MGAT4C: variants seen among roughly 807,000 people sequenced by gnomAD.
MGAT4C encodes alpha-1,3-mannosyl-glycoprotein 4-beta-N-acetylglucosaminyltransferase C.
A neutral mutation model predicts 40.1 loss-of-function variants in MGAT4C; 19 were observed. That is an observed-to-expected ratio of 0.47 (90% CI 0.33 to 0.70). The LOEUF (loss-of-function observed/expected upper bound fraction) is 0.70, where lower values mean the gene tolerates loss of function less well. Among genes scored for constraint, MGAT4C ranks in the 30% least tolerant of loss-of-function variants. The pLI, the probability that MGAT4C is intolerant of heterozygous loss-of-function variation, is 0.02. For synonymous variants in MGAT4C, 181 were observed against 187.1 expected (o/e 0.97, Z 0.27); for missense variants, 491 against 563.2 (o/e 0.87, Z 1.30).
At chr12:86,569,801 T>G (rs969480014) in intron 2 of MGAT4C, among the ~76,000 whole-genome samples, 42 of 152,050 alleles carry the variant, frequency 2.8e-4, no homozygotes, top group African/African-American at 9.9e-4. Flanking sequence ...TGACTGGCAA[T>G]CGATGAAGGG....
rs1883773254 is a variant in MGAT4C at position 85,974,006 on chromosome 12, A to G, written c.*5283T>C. On this transcript the variant is annotated 3_prime_UTR_variant, in exon 5 of 5. Coordinates refer to ENST00000611864, the MANE Select transcript of MGAT4C (RefSeq NM_001351288.2). Reference sequence around the variant, plus strand: ...ACAGATTAATGAGGTGGAAGGGACTAGAACTTTGGGAAAGTGCAACCTTGT... The same window carrying G: ...ACAGATTAATGAGGTGGAAGGGACTGGAACTTTGGGAAAGTGCAACCTTGT... The G allele has an allele frequency of 6.6e-6, 1 of 150,962 alleles. No individual in the cohort carries two copies. The highest frequency in any genetic ancestry group is 2.4e-5 in the African/African-American group (1 of 41,358). 9.4% of individuals were successfully genotyped at this position (150,962 alleles called of 1,614,324 possible).
chr12:86,069,848 A>T (rs565308134), intron 1 of MGAT4C, among the ~76,000 whole-genome samples: 1 of 152,074 alleles, frequency 6.6e-6, no homozygotes, highest in East Asian at 1.9e-4. Context: ...CCCCCAATAT[A>T]TTCTAAATAG....
chr12:86,009,374 C>G (rs906482709), intron 2 of MGAT4C, among the ~76,000 whole-genome samples: 3 of 152,166 alleles, frequency 2.0e-5, no homozygotes, highest in Admixed American at 6.5e-5. Context: ...AAAATAATCC[C>G]TTTCTCTCTC....
At chr12:86,498,139 C>G (rs903586566) in intron 2 of MGAT4C, among the ~76,000 whole-genome samples, 2 of 150,478 alleles carry the variant, frequency 1.3e-5, no homozygotes, top group Admixed American at 6.7e-5. Context: ...GCAATATCAC[C>G]AATACTTTCT....
intron 2 of MGAT4C, among the ~76,000 whole-genome samples, chr12:86,661,019 G>A (rs1319764039): frequency 1.3e-5 from 2 of 152,034 alleles, no homozygotes; most frequent in Non-Finnish European, 2.9e-5. Context: ...AAGTTTCTTG[G>A]GTAAACATTC....
chr12:86,481,424 C>T (rs1227446484), intron 2 of MGAT4C, among the ~76,000 whole-genome samples: 2 of 152,020 alleles, frequency 1.3e-5, no homozygotes, highest in Non-Finnish European at 2.9e-5. Context: ...AGTCTAACAA[C>T]ACAGATTAAG....
In MGAT4C at chr12:86,742,524, C is replaced by T. The variant is rs574051499; in HGVS notation, c.-261-15283G>A. Among the ~76,000 whole-genome samples, 35 of 151,506 alleles carry T rather than the reference C, an allele frequency of 2.3e-4. 1 individual carries two copies. The highest frequency in any genetic ancestry group is 6.2e-4 in the South Asian group (3 of 4,818). ...CATGAGTATGACATGCCTCAGTTTG[C>T]CATTTTTGCTGTAGTCAGATTCCCA... On this transcript the variant is annotated intron_variant, in intron 1 of 7. Transcript: ENST00000548651.
intron 1 of MGAT4C, among the ~76,000 whole-genome samples, chr12:86,053,329 G>T (rs1269784338): frequency 6.6e-6 from 1 of 151,778 alleles, no homozygotes; most frequent in East Asian, 1.9e-4. Context: ...AAGGCAGGAT[G>T]TTCTGTCCCT....
intron 1 of MGAT4C, among the ~76,000 whole-genome samples, chr12:86,818,976 C>A (rs775064491): frequency 5.3e-5 from 8 of 150,934 alleles, no homozygotes; most frequent in Non-Finnish European, 1.0e-4. Flanking sequence ...AGGGTGACAA[C>A]TTAAAAATCT....
At chr12:86,483,181 C>T (rs562434332) in intron 2 of MGAT4C, among the ~76,000 whole-genome samples, 7 of 152,114 alleles carry the variant, frequency 4.6e-5, no homozygotes, top group Non-Finnish European at 1.0e-4. Context: ...TATGAAAACA[C>T]CAGTCCTGTT....
intron 2 of MGAT4C, among the ~76,000 whole-genome samples, chr12:86,669,171 G>T (rs1236411753): frequency 6.6e-6 from 1 of 152,028 alleles, no homozygotes; most frequent in Non-Finnish European, 1.5e-5. Context: ...TCAACCACTT[G>T]AGTTGCCCCA....
intron 4 of MGAT4C, among the ~76,000 whole-genome samples, chr12:86,333,126 T>C (rs1954709221): frequency 6.6e-6 from 1 of 152,076 alleles, no homozygotes; most frequent in Non-Finnish European, 1.5e-5. Context: ...TAATGACAGG[T>C]ACATCTGAAT....
chr12:86,144,621 A>T (rs1343098256), intron 1 of MGAT4C, among the ~76,000 whole-genome samples: 1 of 152,178 alleles, frequency 6.6e-6, no homozygotes, highest in Admixed American at 6.5e-5. Flanking sequence ...TTTTATCAGG[A>T]TCTCAGTATT....
At chr12:86,825,017 G>A (rs1022868329) in intron 1 of MGAT4C, among the ~76,000 whole-genome samples, 1 of 151,224 alleles carries the variant, frequency 6.6e-6, no homozygotes, top group African/African-American at 2.4e-5. Context: ...AGTAGAAAAG[G>A]TCAACACGAG....
chr12:86,804,981 T>G (rs1164192749), intron 1 of MGAT4C, among the ~76,000 whole-genome samples: 8 of 152,074 alleles, frequency 5.3e-5, no homozygotes, highest in Non-Finnish European at 1.0e-4. Context: ...GTAAGATTAC[T>G]GGAATTTATG....
chr12:86,489,817 G>T (rs1402450876), intron 2 of MGAT4C, among the ~76,000 whole-genome samples: 1 of 152,152 alleles, frequency 6.6e-6, no homozygotes, highest in Non-Finnish European at 1.5e-5. Flanking sequence ...GGAAGAAAGG[G>T]TATCAGTGAT....
chr12:86,010,938 C>A (rs953158066), intron 2 of MGAT4C, among the ~76,000 whole-genome samples: 2 of 152,146 alleles, frequency 1.3e-5, no homozygotes, highest in South Asian at 2.1e-4. Context: ...TCTTGTGATG[C>A]CTTTTGCCAT....
intron 2 of MGAT4C, among the ~76,000 whole-genome samples, chr12:86,483,501 T>A (rs773463533): frequency 2.0e-5 from 3 of 151,954 alleles, no homozygotes; most frequent in African/African-American, 7.2e-5. Context: ...TGAAGGAAAA[T>A]CAAAAGGTTT....
At chr12:86,055,667 T>C (rs1309960781) in intron 1 of MGAT4C, among the ~76,000 whole-genome samples, 1 of 152,052 alleles carries the variant, frequency 6.6e-6, no homozygotes, top group Admixed American at 6.6e-5. Flanking sequence ...ATACACATGT[T>C]AATATAATAT....
Sources: allele counts gnomAD v4.1 joint callset (sites outside exome capture counted in the v4.1 genomes callset), GRCh38; gene constraint gnomAD v4.1.1; transcripts MANE v1.5; gene names NCBI Gene and HGNC (gene_info 2026-07-23, HGNC 2026-07-21).